The following CXCL13 variants were observed in gnomAD, a reference collection of about 807,000 sequenced individuals.
CXCL13 encodes C-X-C motif chemokine 13.
A neutral mutation model predicts 12.2 loss-of-function variants in CXCL13; 7 were observed. The observed-to-expected ratio is 0.57, with a 90% confidence interval of 0.33 to 1.07. The LOEUF is 1.07. Ranked by LOEUF, CXCL13 falls within the 50% of genes least tolerant of loss-of-function variation. CXCL13 has a pLI of 0.04. For missense variants in CXCL13, 113 were observed against 127.4 expected (o/e 0.89, Z 0.55); for synonymous variants, 47 against 42.4 (o/e 1.11, Z -0.42).
chr4:77,572,847 G>A (rs1361643712), intron 1 of CXCL13, among the ~76,000 whole-genome samples: 2 of 151,840 alleles, frequency 1.3e-5, no homozygotes, highest in Non-Finnish European at 1.5e-5. Flanking sequence ...ATGCTCATCA[G>A]TGGTAGATTG....
At chr4:77,521,387 T>C (rs1019230384) in intron 1 of CXCL13, among the ~76,000 whole-genome samples, 4 of 152,304 alleles carry the variant, frequency 2.6e-5, no homozygotes, top group Non-Finnish European at 4.4e-5. Flanking sequence ...ATTGCCTCAA[T>C]TTCAGAGACT....
At chr4:77,554,577 T>C (rs924147269) in intron 1 of CXCL13, among the ~76,000 whole-genome samples, 1 of 152,164 alleles carries the variant, frequency 6.6e-6, no homozygotes, top group African/African-American at 2.4e-5. Flanking sequence ...AATAGCAGTA[T>C]CAACCAACTT....
At chr4:77,592,542 C>T (rs1395443727) in intron 1 of CXCL13, among the ~76,000 whole-genome samples, 1 of 152,080 alleles carries the variant, frequency 6.6e-6, no homozygotes, top group African/African-American at 2.4e-5. Context: ...AATTATTCCA[C>T]TATATATATC....
rs575504507 is a variant in CXCL13 at position 77,607,929 on chromosome 4, G to C, written c.197+94G>C. 2.3e-6 allele frequency: 3 copies of C among 1,280,158 alleles called. No homozygotes were observed. In the Admixed American group the frequency reaches 6.3e-5, roughly 27 times the overall value. 79.3% of individuals were successfully genotyped at this position (1,280,158 alleles called of 1,614,324 possible). On this transcript the variant is annotated intron_variant, in intron 2 of 3. Transcript: ENST00000682537. ...AGTAGTCTTACTCAAGAATGTCGAAGAGATTTACTTGAGTGTTGCTAAAAA... is the reference window on the plus strand; with the variant it reads ...AGTAGTCTTACTCAAGAATGTCGAACAGATTTACTTGAGTGTTGCTAAAAA...
chr4:77,552,774 C>G (rs1455566497), intron 1 of CXCL13, among the ~76,000 whole-genome samples: 9 of 152,246 alleles, frequency 5.9e-5, no homozygotes, highest in Non-Finnish European at 1.2e-4. Flanking sequence ...GCCTAAACTT[C>G]TGATCCAACA....
chr4:77,553,968 G>C (rs1287465119), intron 1 of CXCL13, among the ~76,000 whole-genome samples: 1 of 152,114 alleles, frequency 6.6e-6, no homozygotes, highest in Non-Finnish European at 1.5e-5. Flanking sequence ...AAGAGGAATA[G>C]GTAACTATGT....
intron 1 of CXCL13, among the ~76,000 whole-genome samples, chr4:77,556,304 G>A (rs2109809856): frequency 6.6e-6 from 1 of 152,230 alleles, no homozygotes; most frequent in East Asian, 1.9e-4. Context: ...ACAGAGTGTG[G>A]ATCTCAAAAA....
intron 1 of CXCL13, among the ~76,000 whole-genome samples, chr4:77,520,164 A>G (rs565844488): frequency 2.0e-5 from 3 of 152,072 alleles, no homozygotes; most frequent in Non-Finnish European, 2.9e-5. Flanking sequence ...CTCCAGCTTC[A>G]TTCTTTTGGC....
At chr4:77,572,979 C>G (rs1481579841) in intron 1 of CXCL13, among the ~76,000 whole-genome samples, 1 of 151,436 alleles carries the variant, frequency 6.6e-6, no homozygotes, top group Non-Finnish European at 1.5e-5. Flanking sequence ...CAAACTAACA[C>G]AGGAAAAAAA....
chr4:77,606,281 T>C (rs147098602), intron 1 of CXCL13, among the ~76,000 whole-genome samples: 251 of 152,288 alleles, frequency 1.6e-3, no homozygotes, highest in African/African-American at 5.7e-3. Context: ...CCAAACCCTA[T>C]ACAGGGTTTA....
chr4:77,547,423 G>T (rs906190570), intron 1 of CXCL13, among the ~76,000 whole-genome samples: 1 of 152,122 alleles, frequency 6.6e-6, no homozygotes, highest in Non-Finnish European at 1.5e-5. Flanking sequence ...CCTGTATTGG[G>T]TGCATATATA....
intron 2 of CXCL13, among the ~76,000 whole-genome samples, chr4:77,609,239 T>A (rs1727088425): frequency 6.6e-6 from 1 of 151,828 alleles, no homozygotes; most frequent in Non-Finnish European, 1.5e-5. Flanking sequence ...GGATGGATCC[T>A]TGCTGTTTGT....
intron 1 of CXCL13, among the ~76,000 whole-genome samples, chr4:77,591,205 A>G (rs1455292215): frequency 1.3e-5 from 2 of 152,168 alleles, no homozygotes; most frequent in Non-Finnish European, 2.9e-5. Context: ...ATTTAGATAT[A>G]TATACATTCC....
At chr4:77,527,430 A>G (rs1433533735) in intron 1 of CXCL13, among the ~76,000 whole-genome samples, 2 of 152,034 alleles carry the variant, frequency 1.3e-5, no homozygotes, top group African/African-American at 2.4e-5. Flanking sequence ...TCAAGAATTC[A>G]AGACCAGCCT....
rs148343506 is a variant in CXCL13 at position 77,564,892 on chromosome 4, C to A, written c.-42-40932C>A. ...CTTTGTGGAGCAAAGTTCCCCATTT[C>A]TTCAGGGGTAGGGGTTAGGGTGGGG... On this transcript the variant is annotated intron_variant, in intron 1 of 4. Transcript: ENST00000286758. 3.2e-3 allele frequency among the ~76,000 whole-genome samples: 481 copies of A among 152,270 alleles called. 2 individuals are homozygous for A. The highest frequency in any genetic ancestry group is 0.011 in the African/African-American group (459 of 41,576).
chr4:77,591,548 C>T (rs1726610409), intron 1 of CXCL13, among the ~76,000 whole-genome samples: 1 of 101,572 alleles, frequency 9.8e-6, no homozygotes, highest in Admixed American at 1.1e-4. Context: ...AAGACTCCAT[C>T]TCAAAAAAAA....
chr4:77,568,480 C>T (rs1257640736), intron 1 of CXCL13, among the ~76,000 whole-genome samples: 1 of 152,188 alleles, frequency 6.6e-6, no homozygotes, highest in Non-Finnish European at 1.5e-5. Flanking sequence ...TGCTTATGCT[C>T]ATGTCATTGT....
intron 1 of CXCL13, among the ~76,000 whole-genome samples, chr4:77,561,902 G>A (rs1274807846): frequency 2.0e-5 from 3 of 152,216 alleles, no homozygotes; most frequent in Admixed American, 6.5e-5. Context: ...AGGCGCAGGT[G>A]GGAACCTGGG....
At chr4:77,575,828 A>G (rs1416725985) in intron 1 of CXCL13, among the ~76,000 whole-genome samples, 1 of 151,722 alleles carries the variant, frequency 6.6e-6, no homozygotes, top group Non-Finnish European at 1.5e-5. Context: ...ATGATGTTCA[A>G]TTTTCTTTAG....
Sources: gnomAD v4.1 joint callset for allele counts (sites outside exome capture counted in the v4.1 genomes callset) on GRCh38, gnomAD v4.1.1 for gene constraint, MANE v1.5 for transcripts, NCBI Gene and HGNC (gene_info 2026-07-23, HGNC 2026-07-21) for gene names.